GFRA1: variants seen among roughly 807,000 people sequenced by gnomAD.
GFRA1 encodes the protein GDNF family receptor alpha 1.
Under a neutral mutation model 51.6 loss-of-function variants are expected in GFRA1, and 16 were observed. The observed-to-expected ratio is 0.31, with a 90% CI of 0.21 to 0.47. GFRA1 has a LOEUF of 0.47. Ranked by LOEUF, GFRA1 falls within the 20% of genes least tolerant of loss-of-function variation. GFRA1 has a pLI of 1.00. For missense variants in GFRA1, 530 were observed against 594.3 expected, an observed-to-expected ratio of 0.89 and a Z score of 1.13; for synonymous variants, 270 against 241.3, an observed-to-expected ratio of 1.12 and a Z score of -1.10.
intron 6 of GFRA1, among the ~76,000 whole-genome samples, chr10:116,123,095 A>G (rs2530351): frequency 0.98 from 148,720 of 152,306 alleles, 72,704 homozygotes; most frequent in East Asian, 1. Flanking sequence ...AAAGCTCCCT[A>G]CAGCTTCTTG....
intron 9 of GFRA1, among the ~76,000 whole-genome samples, chr10:116,082,548 T>C (rs957285032): frequency 1.5e-4 from 23 of 152,080 alleles, no homozygotes; most frequent in African/African-American, 3.6e-4. Flanking sequence ...TGGTGCGATC[T>C]TGGCTCACCA....
intron 5 of GFRA1, among the ~76,000 whole-genome samples, chr10:116,200,025 T>A (rs776592788): frequency 1.3e-5 from 2 of 152,272 alleles, no homozygotes; most frequent in Non-Finnish European, 2.9e-5. Context: ...TTTCTGAAAT[T>A]CATCATGTTG....
intron 5 of GFRA1, among the ~76,000 whole-genome samples, chr10:116,192,101 G>A (rs1963322012): frequency 1.3e-5 from 2 of 152,104 alleles, no homozygotes; most frequent in African/African-American, 2.4e-5. Context: ...CATTTCTTTC[G>A]TCCTTGTCTG....
At chr10:116,109,459 AAAT>A (rs920760722) in intron 6 of GFRA1, among the ~76,000 whole-genome samples, 1 of 152,210 alleles carries the variant, frequency 6.6e-6, no homozygotes, top group African/African-American at 2.4e-5. Flanking sequence ...AACATAAAAA[AAAT>A]AATATCTGTT....
chr10:116,189,140 T>C (rs1247853213), intron 5 of GFRA1, among the ~76,000 whole-genome samples: 1 of 150,300 alleles, frequency 6.7e-6, no homozygotes, highest in Non-Finnish European at 1.5e-5. Context: ...GCATTCTTCC[T>C]GGGCCAGAAA....
intron 5 of GFRA1, among the ~76,000 whole-genome samples, chr10:116,175,973 A>C (rs1344341808): frequency 6.6e-6 from 1 of 152,206 alleles, no homozygotes; most frequent in Non-Finnish European, 1.5e-5. Flanking sequence ...AATTAAAAAA[A>C]AAATAGGGGC....
At chr10:116,219,103 G>A (rs765541800) in intron 4 of GFRA1, among the ~76,000 whole-genome samples, 3 of 152,034 alleles carry the variant, frequency 2.0e-5, no homozygotes, top group African/African-American at 7.2e-5. Flanking sequence ...ATAACCCATC[G>A]GCCTGCGCTG....
In GFRA1 at chr10:116,083,765, C is replaced by A. The variant is rs577378479; in HGVS notation, c.1197+5976G>T. Among the ~76,000 whole-genome samples the A allele has an allele frequency of 6.0e-4, 92 of 152,274 alleles. 3 individuals carry two copies. In the South Asian group the frequency reaches 0.014, roughly 23 times the overall value. On this transcript the variant is annotated intron_variant, in intron 9 of 10. Coordinates refer to ENST00000355422, the MANE Select transcript of GFRA1 (RefSeq NM_005264.8). ...TGGTCTGGTCTGGCCCCATCTGGAA[C>A]AAATGGACTTTGGATCTGAGGAGAT... is the stretch of plus-strand genomic sequence containing the variant.
chr10:116,206,752 C>A (rs971016175), intron 5 of GFRA1, among the ~76,000 whole-genome samples: 1 of 151,366 alleles, frequency 6.6e-6, no homozygotes, highest in African/African-American at 2.4e-5. Flanking sequence ...CCTTCCTCAG[C>A]CTCCCGAGTA....
intron 8 of GFRA1, among the ~76,000 whole-genome samples, chr10:116,091,190 C>T (rs1456633517): frequency 2.0e-5 from 3 of 152,186 alleles, no homozygotes; most frequent in East Asian, 1.9e-4. Context: ...GCCACATCAG[C>T]GGTTCAGTTG....
chr10:116,093,645 G>A (rs1374358207), intron 8 of GFRA1, 57 bp downstream of exon 8: 6 of 1,507,258 alleles, frequency 4.0e-6, no homozygotes, highest in Middle Eastern at 4.3e-4. Context: ...AGGTACAGCT[G>A]GAGCTCGGAG....
At chr10:116,151,955 G>A (rs77154902) in intron 5 of GFRA1, among the ~76,000 whole-genome samples, 6,206 of 152,240 alleles carry the variant, frequency 0.041, 411 homozygotes, top group African/African-American at 0.14. Flanking sequence ...CTCCCTGAGA[G>A]GTGACTTGAG....
chr10:116,251,310 C>T (rs12251315), intron 4 of GFRA1, among the ~76,000 whole-genome samples: 2,239 of 152,292 alleles, frequency 0.015, 53 homozygotes, highest in African/African-American at 0.051. Flanking sequence ...CTTGACAAAG[C>T]TCCGAAGAGC....
Position 116,093,697 on chromosome 10 carries a change from C to T in GFRA1, c.1015+5G>A. The T allele has an allele frequency of 6.2e-7, 1 of 1,613,456 alleles. No homozygotes were observed. The highest frequency in any genetic ancestry group is 8.5e-7 in the Non-Finnish European group (1 of 1,179,394). ...TCCTTTGTTTCTTATTTTTTACAAA[C>T]TCACTAAGACATGTATTGTCCTTGA... On this transcript the variant is annotated splice_donor_5th_base_variant and intron_variant, in intron 8 of 10. Transcript: ENST00000355422.
intron 6 of GFRA1, among the ~76,000 whole-genome samples, chr10:116,118,031 C>G (rs1957498786): frequency 2.1e-5 from 1 of 47,494 alleles, no homozygotes; most frequent in South Asian, 1.9e-3. Flanking sequence ...TCTTCTCACC[C>G]ACTTTCTCTA....
At position 116,221,328 on chromosome 10, in the gene GFRA1, A is replaced by G. The variant is rs531680981; in HGVS notation, c.419-9683T>C. Among the ~76,000 whole-genome samples the G allele has an allele frequency of 2.0e-5, 3 of 152,282 alleles. No individual in the cohort carries two copies. In the South Asian group the frequency reaches 6.2e-4, roughly 32 times the overall value. On this transcript the variant is annotated intron_variant, in intron 4 of 10. Transcript: ENST00000355422. ...AACCACTTTGCTACACTGTCTCTCA[A>G]TGAATACACCATTGATAGACGTGTG...
intron 9 of GFRA1, among the ~76,000 whole-genome samples, chr10:116,084,963 C>T (rs1956029581): frequency 6.6e-6 from 1 of 152,148 alleles, no homozygotes. Context: ...CCAACAATAG[C>T]ACAGCCTGTG....
At chr10:116,145,294 A>G (rs1180610183) in intron 5 of GFRA1, among the ~76,000 whole-genome samples, 1 of 152,112 alleles carries the variant, frequency 6.6e-6, no homozygotes, top group Non-Finnish European at 1.5e-5. Context: ...CAGAAATCAC[A>G]TAGAACTCCT....
At chr10:116,190,165 A>T (rs1182954068) in intron 5 of GFRA1, among the ~76,000 whole-genome samples, 3 of 152,198 alleles carry the variant, frequency 2.0e-5, no homozygotes, top group African/African-American at 7.2e-5. Flanking sequence ...CATTGACTGT[A>T]CTTCTCTTCA....
Sources: allele counts gnomAD v4.1 joint callset (sites outside exome capture counted in the v4.1 genomes callset), GRCh38; gene constraint gnomAD v4.1.1; transcripts MANE v1.5; gene names NCBI Gene and HGNC (gene_info 2026-07-23, HGNC 2026-07-21).